NEK1: variants seen among roughly 807,000 people sequenced by gnomAD.
NEK1 encodes the protein serine/threonine-protein kinase Nek1.
In NEK1, 137 loss-of-function variants were observed where a neutral mutation model predicts 182.1. That is an observed-to-expected ratio of 0.75 (90% CI 0.65 to 0.87). The LOEUF (loss-of-function observed/expected upper bound fraction) is 0.87, where lower values mean the gene tolerates loss of function less well. NEK1 is among the 40% of genes least tolerant of loss of function. NEK1 has a pLI of 0.00. For missense variants in NEK1, 1,391 were observed against 1,494.4 expected (o/e 0.93, Z 1.14); for synonymous variants, 513 against 492.2 (o/e 1.04, Z -0.56).
intron 29 of NEK1, among the ~76,000 whole-genome samples, chr4:169,432,824 C>A (rs563315413): frequency 3.3e-5 from 5 of 151,812 alleles, no homozygotes; most frequent in African/African-American, 1.2e-4. Flanking sequence ...CCCAGGCTGG[C>A]ATGCAGTGGT....
chr4:169,605,375 C>T (rs1190257059), intron 2 of NEK1, among the ~76,000 whole-genome samples: 1 of 152,152 alleles, frequency 6.6e-6, no homozygotes, highest in East Asian at 1.9e-4. Flanking sequence ...CAAATGCAGA[C>T]ACTTTTCTGA....
chr4:169,443,674 G>A (rs1739970282), intron 27 of NEK1, among the ~76,000 whole-genome samples: 1 of 151,884 alleles, frequency 6.6e-6, no homozygotes, highest in African/African-American at 2.4e-5. Flanking sequence ...TCAGATACAG[G>A]AAACTTAAAG....
chr4:169,586,324 A>ACTAAAAGTTGAGCTCTC (rs1767531366), intron 9 of NEK1, among the ~76,000 whole-genome samples: 1 of 152,118 alleles, frequency 6.6e-6, no homozygotes, highest in South Asian at 2.1e-4. Flanking sequence ...CAAAAGTTCT[A>ACTAAAAGTTGAGCTCTC]CTAAATGTTG....
At chr4:169,573,516 C>T (rs1393808358) in intron 12 of NEK1, among the ~76,000 whole-genome samples, 2 of 152,070 alleles carry the variant, frequency 1.3e-5, no homozygotes, top group Non-Finnish European at 2.9e-5. Flanking sequence ...TTGGATTTCA[C>T]AAAGTTAAGT....
intron 12 of NEK1, among the ~76,000 whole-genome samples, chr4:169,565,639 T>C (rs1240077358): frequency 1.3e-5 from 2 of 152,224 alleles, no homozygotes; most frequent in South Asian, 4.1e-4. Flanking sequence ...GAAGTACTGA[T>C]ACATGCTACA....
At chr4:169,605,292 G>A (rs1771154522) in intron 2 of NEK1, among the ~76,000 whole-genome samples, 1 of 152,098 alleles carries the variant, frequency 6.6e-6, no homozygotes, top group East Asian at 1.9e-4. Flanking sequence ...GAACATTGTG[G>A]TTCTAACTCT....
intron 35 of NEK1, among the ~76,000 whole-genome samples, chr4:169,396,679 G>T (rs1194290037): frequency 4.6e-5 from 7 of 152,182 alleles, no homozygotes; most frequent in Non-Finnish European, 1.0e-4. Flanking sequence ...AATAGCTGAG[G>T]CTGTCTTTTC....
At chr4:169,599,224 C>CT (rs1196400547) in intron 4 of NEK1, 27 bp from the exon 5 acceptor site, 2 of 1,500,326 alleles carry the variant, frequency 1.3e-6, no homozygotes, top group African/African-American at 2.8e-5. Context: ...TTACAGTCCA[C>CT]TTTTAAAAAC....
chr4:169,488,967 C>T (rs531420583), intron 23 of NEK1, among the ~76,000 whole-genome samples: 8 of 151,956 alleles, frequency 5.3e-5, no homozygotes, highest in Non-Finnish European at 7.4e-5. Context: ...TTCATCTAGA[C>T]GAGGAAATAA....
intron 23 of NEK1, among the ~76,000 whole-genome samples, chr4:169,500,032 C>G (rs1373877975): frequency 5.3e-5 from 8 of 152,230 alleles, no homozygotes; most frequent in Non-Finnish European, 1.2e-4. Flanking sequence ...CCTCCATGAG[C>G]TGCGGTGGGC....
At chr4:169,496,220 A>G (rs1039480984) in intron 23 of NEK1, among the ~76,000 whole-genome samples, 2 of 152,150 alleles carry the variant, frequency 1.3e-5, no homozygotes, top group African/African-American at 4.8e-5. Flanking sequence ...TTATTGGTGT[A>G]TAAGACTGCT....
At chr4:169,562,907 C>A (rs1260886499) in intron 12 of NEK1, among the ~76,000 whole-genome samples, 1 of 152,012 alleles carries the variant, frequency 6.6e-6, no homozygotes, top group Non-Finnish European at 1.5e-5. Flanking sequence ...AATATATATT[C>A]TTTTGTATCT....
intron 18 of NEK1, among the ~76,000 whole-genome samples, chr4:169,549,385 C>T (rs1055910238): frequency 6.6e-6 from 1 of 152,182 alleles, no homozygotes; most frequent in Non-Finnish European, 1.5e-5. Context: ...GAGCTACAGA[C>T]CAGAGCTGTT....
intron 19 of NEK1, among the ~76,000 whole-genome samples, chr4:169,515,652 C>T (rs1308596916): frequency 2.3e-4 from 24 of 105,728 alleles, no homozygotes; most frequent in African/African-American, 8.0e-4. Context: ...TCCCTCCCCC[C>T]TCCCCCGACC....
intron 23 of NEK1, among the ~76,000 whole-genome samples, chr4:169,505,034 A>C (rs1183577993): frequency 6.7e-6 from 1 of 149,354 alleles, no homozygotes; most frequent in African/African-American, 2.5e-5. Flanking sequence ...AAAAGTAAAA[A>C]AAAAATTTTT....
intron 27 of NEK1, among the ~76,000 whole-genome samples, chr4:169,452,156 T>C (rs1305453568): frequency 2.0e-5 from 3 of 152,218 alleles, no homozygotes; most frequent in Admixed American, 1.3e-4. Context: ...TAACAGGCTC[T>C]GAAATTGAGG....
At chr4:169,427,845 G>T (rs1736670214) in intron 29 of NEK1, among the ~76,000 whole-genome samples, 1 of 150,502 alleles carries the variant, frequency 6.6e-6, no homozygotes, top group African/African-American at 2.4e-5. Context: ...TAAGAGACAG[G>T]GTCTTGCTCT....
chr4:169,466,639 A>G (rs1355275019), intron 26 of NEK1, among the ~76,000 whole-genome samples: 1 of 152,120 alleles, frequency 6.6e-6, no homozygotes, highest in Non-Finnish European at 1.5e-5. Context: ...TTTAAAATAA[A>G]AACTTTTACA....
intron 23 of NEK1, among the ~76,000 whole-genome samples, chr4:169,499,379 T>C (rs1250913353): frequency 1.3e-5 from 2 of 152,230 alleles, no homozygotes; most frequent in African/African-American, 4.8e-5. Context: ...AGTTTGATCA[T>C]CTGAAGCCTT....
Sources: gnomAD v4.1 joint callset for allele counts (sites outside exome capture counted in the v4.1 genomes callset) on GRCh38, gnomAD v4.1.1 for gene constraint, MANE v1.5 for transcripts, NCBI Gene and HGNC (gene_info 2026-07-23, HGNC 2026-07-21) for gene names.